The following SPAG17 variants were observed in gnomAD, a reference collection of about 807,000 sequenced individuals.
The protein encoded by SPAG17 is sperm associated antigen 17, also known as sperm-associated antigen 17.
SPAG17 carries 169 observed loss-of-function variants against 273.6 expected under a neutral mutation model. The observed-to-expected ratio is 0.62, with a 90% CI of 0.55 to 0.70. The LOEUF is 0.70. Ranked by LOEUF, SPAG17 falls within the 30% of genes least tolerant of loss-of-function variation. SPAG17 has a pLI of 0.00. For missense variants in SPAG17, 2,557 were observed against 2,627.8 expected (o/e 0.97, Z 0.59); for synonymous variants, 825 against 873.2 (o/e 0.94, Z 0.97).
rs1284894351 is a variant in SPAG17, at chr1:118,034,976, T to C, written c.3433+1794A>G. ...ATTTTTGCCTATTTCATAGCTGTACTGTCTACTTTTTCTTTGTCCAAAAGG... is the reference window on the plus strand; with the variant it reads ...ATTTTTGCCTATTTCATAGCTGTACCGTCTACTTTTTCTTTGTCCAAAAGG... On this transcript the variant is annotated intron_variant, in intron 24 of 48. Coordinates refer to ENST00000336338, the MANE Select transcript of SPAG17 (RefSeq NM_206996.4). Among the ~76,000 whole-genome samples, 6 of 152,242 alleles carry C rather than the reference T, an allele frequency of 3.9e-5. No individual in the cohort carries two copies. In the East Asian group the frequency reaches 1.2e-3, roughly 29 times the overall value.
At chr1:118,049,529 A>G (rs1038811346) in intron 20 of SPAG17, among the ~76,000 whole-genome samples, 1 of 152,244 alleles carries the variant, frequency 6.6e-6, no homozygotes, top group Non-Finnish European at 1.5e-5. Flanking sequence ...ATATCCTTTC[A>G]TAATAAAAAC....
intron 31 of SPAG17, among the ~76,000 whole-genome samples, chr1:118,006,696 G>C (rs1658924630): frequency 6.6e-6 from 1 of 152,132 alleles, no homozygotes; most frequent in African/African-American, 2.4e-5. Flanking sequence ...TTTTCCAAGT[G>C]ACTAACCACT....
chr1:118,070,070 C>T (rs1653428935), intron 17 of SPAG17, among the ~76,000 whole-genome samples: 1 of 152,100 alleles, frequency 6.6e-6, no homozygotes, highest in South Asian at 2.1e-4. Context: ...TGAACATTTG[C>T]ACTCTCTAAC....
At chr1:118,047,296 A>G (rs1011632866) in intron 20 of SPAG17, among the ~76,000 whole-genome samples, 1 of 152,210 alleles carries the variant, frequency 6.6e-6, no homozygotes, top group South Asian at 2.1e-4. Flanking sequence ...AACTACCCAC[A>G]CATGAAAACA....
intron 25 of SPAG17, 69 bp from the exon 26 acceptor site, chr1:118,028,463 A>G: frequency 6.3e-7 from 1 of 1,581,874 alleles, no homozygotes; most frequent in Non-Finnish European, 8.6e-7. Context: ...ATTTTGACTA[A>G]GCCAGGATAT....
intron 13 of SPAG17, among the ~76,000 whole-genome samples, chr1:118,085,617 A>T (rs945353662): frequency 6.6e-6 from 1 of 152,140 alleles, no homozygotes; most frequent in Non-Finnish European, 1.5e-5. Context: ...AATGACGTCA[A>T]TGGGAGTATT....
chr1:118,073,414 T>G (rs1323316056), intron 17 of SPAG17, among the ~76,000 whole-genome samples: 2 of 152,178 alleles, frequency 1.3e-5, no homozygotes, highest in East Asian at 1.9e-4. Context: ...ACATGGTAAG[T>G]GCTCAATGAA....
At chr1:118,152,445 G>A (rs368426034) in intron 1 of SPAG17, among the ~76,000 whole-genome samples, 3 of 151,972 alleles carry the variant, frequency 2.0e-5, no homozygotes, top group Admixed American at 6.6e-5. Flanking sequence ...TCAGGTTGAC[G>A]ACAAAACTAG....
At chr1:118,016,456 T>C (rs1395194518) in intron 28 of SPAG17, among the ~76,000 whole-genome samples, 4 of 152,268 alleles carry the variant, frequency 2.6e-5, no homozygotes, top group African/African-American at 9.6e-5. Context: ...ACAAAAAATA[T>C]TCTGGTCAAC....
chr1:118,068,121 A>C (rs1473477942), intron 17 of SPAG17, among the ~76,000 whole-genome samples: 4 of 151,530 alleles, frequency 2.6e-5, no homozygotes, highest in Non-Finnish European at 4.4e-5. Flanking sequence ...TATTGTTTGC[A>C]TATCTGAAGG....
rs543555481 is a variant in SPAG17 at position 117,978,470 on chromosome 1, A to G, written c.6004+2800T>C. 1.3e-5 allele frequency among the ~76,000 whole-genome samples: 2 copies of G among 152,286 alleles called. 1 individual carries two copies. Among genetic ancestry groups the G allele is most frequent in the South Asian group, 4.1e-4 (2 of 4,832 alleles). Reference sequence around the variant, plus strand: ...CTTAGGTGCCTCTTTCTCTGGCATCATCAAGTTCTCTCTGGCATGGAATTA... The same window carrying G: ...CTTAGGTGCCTCTTTCTCTGGCATCGTCAAGTTCTCTCTGGCATGGAATTA... On this transcript the variant is annotated intron_variant, in intron 43 of 48. Coordinates refer to ENST00000336338, the MANE Select transcript of SPAG17 (RefSeq NM_206996.4).
intron 4 of SPAG17, among the ~76,000 whole-genome samples, chr1:118,104,369 A>T (rs1466377970): frequency 6.6e-6 from 1 of 152,218 alleles, no homozygotes; most frequent in African/African-American, 2.4e-5. Flanking sequence ...GTTTTACTTA[A>T]GGTGGACAGA....
In SPAG17 at chr1:118,106,522, A is replaced by G. The variant is rs549892463; in HGVS notation, c.448-4596T>C. Reference sequence around the variant, plus strand: ...ACTCATGCAGGGCTCTCTAACAGCCAAGCTTTGGATCATAGCAAATTTACT... The same window carrying G: ...ACTCATGCAGGGCTCTCTAACAGCCGAGCTTTGGATCATAGCAAATTTACT... On this transcript the variant is annotated intron_variant, in intron 4 of 48. Transcript: ENST00000336338. Among the ~76,000 whole-genome samples, 159 of 152,260 alleles carry G rather than the reference A, an allele frequency of 1.0e-3. 2 individuals carry two copies. Among genetic ancestry groups the G allele is most frequent in the African/African-American group, 3.6e-3 (151 of 41,560 alleles).
intron 17 of SPAG17, among the ~76,000 whole-genome samples, chr1:118,070,672 A>G (rs1343000663): frequency 6.6e-6 from 1 of 152,258 alleles, no homozygotes; most frequent in Non-Finnish European, 1.5e-5. Flanking sequence ...TAAAAAGTAA[A>G]AAGAAACAAG....
At chr1:117,969,128 A>C (rs1654249778) in intron 46 of SPAG17, among the ~76,000 whole-genome samples, 1 of 152,146 alleles carries the variant, frequency 6.6e-6, no homozygotes, top group Non-Finnish European at 1.5e-5. Context: ...TATTTCTGAA[A>C]TTATAATTTA....
At chr1:118,085,276 C>T (rs1457543977) in intron 13 of SPAG17, among the ~76,000 whole-genome samples, 1 of 151,874 alleles carries the variant, frequency 6.6e-6, no homozygotes, top group African/African-American at 2.4e-5. Flanking sequence ...TCTTCTGGAA[C>T]CTGTGTTTTA....
chr1:118,067,107 T>C (rs1653059924), intron 17 of SPAG17, among the ~76,000 whole-genome samples: 1 of 152,162 alleles, frequency 6.6e-6, no homozygotes, highest in South Asian at 2.1e-4. Context: ...AGCAACACTT[T>C]AGAAAAACAA....
chr1:118,002,516 G>T (rs988126021), intron 32 of SPAG17, among the ~76,000 whole-genome samples: 6 of 152,128 alleles, frequency 3.9e-5, no homozygotes, highest in Admixed American at 2.0e-4. Flanking sequence ...CCTGTATTGG[G>T]TGCATATATA....
chr1:118,127,389 C>T (rs1471576546), intron 3 of SPAG17, among the ~76,000 whole-genome samples: 2 of 152,164 alleles, frequency 1.3e-5, no homozygotes, highest in Admixed American at 1.3e-4. Flanking sequence ...TGGGAGTAGA[C>T]ACTTCACATG....
Sources: allele counts gnomAD v4.1 joint callset (sites outside exome capture counted in the v4.1 genomes callset), GRCh38; gene constraint gnomAD v4.1.1; transcripts MANE v1.5; gene names NCBI Gene and HGNC (gene_info 2026-07-23, HGNC 2026-07-21).